Variants in CLNK observed in about 807,000 individuals in gnomAD.
CLNK encodes the protein cytokine dependent hematopoietic cell linker.
A neutral mutation model predicts 68.6 loss-of-function variants in CLNK; 74 were observed. The observed-to-expected ratio is 1.08, with a 90% confidence interval of 0.89 to 1.31. CLNK has a LOEUF of 1.31. Ranked by LOEUF, CLNK falls within the 50% of genes most tolerant of loss-of-function variation. The pLI is 0.00. For synonymous variants in CLNK, 198 were observed against 172.2 expected (o/e 1.15, Z -1.17); for missense variants, 553 against 515.3 (o/e 1.07, Z -0.71).
intron 18 of CLNK, among the ~76,000 whole-genome samples, chr4:10,493,932 T>A (rs1407699961): frequency 6.6e-6 from 1 of 152,234 alleles, no homozygotes; most frequent in Non-Finnish European, 1.5e-5. Context: ...AATTGATGCA[T>A]ATGCAGTACA....
At chr4:10,569,942 T>C (rs1030028158) in intron 5 of CLNK, among the ~76,000 whole-genome samples, 2 of 152,180 alleles carry the variant, frequency 1.3e-5, no homozygotes, top group Non-Finnish European at 2.9e-5. Flanking sequence ...CTAGGTGATG[T>C]GCTGAGCCAT....
intron 2 of CLNK, among the ~76,000 whole-genome samples, chr4:10,602,812 T>G (rs778732192): frequency 3.3e-5 from 5 of 152,162 alleles, no homozygotes; most frequent in Non-Finnish European, 5.9e-5. Context: ...AATGTACACA[T>G]GGTCTAGAAG....
chr4:10,498,409 G>A (rs1054602706), intron 18 of CLNK, among the ~76,000 whole-genome samples: 4 of 152,102 alleles, frequency 2.6e-5, no homozygotes, highest in Non-Finnish European at 4.4e-5. Flanking sequence ...GGAGGATGGC[G>A]TGAACCCTGC....
rs1716357188 is a variant in CLNK, at chr4:10,486,465, G to A, written c.*4002C>T. ...TAAATTATGAATGTAAATGTGCTTA[G>A]CTAGAACAAATATTGCTCAGAATAA... On this transcript the variant is annotated 3_prime_UTR_variant, in exon 19 of 19. Coordinates refer to ENST00000226951, the MANE Select transcript of CLNK (RefSeq NM_052964.4). 1 of 152,072 alleles carries A rather than the reference G, an allele frequency of 6.6e-6. No individual in the cohort carries two copies. Among genetic ancestry groups the A allele is most frequent in the South Asian group, 2.1e-4 (1 of 4,820 alleles). The allele number at this position is 152,072 out of a possible 1,614,324, so 9.4% of individuals were successfully genotyped here.
intron 2 of CLNK, among the ~76,000 whole-genome samples, chr4:10,634,089 C>A (rs1722990350): frequency 6.6e-6 from 1 of 152,156 alleles, no homozygotes; most frequent in Non-Finnish European, 1.5e-5. Context: ...CCTTTGTCAT[C>A]ATGTTGAAGT....
upstream of CLNK, among the ~76,000 whole-genome samples, chr4:10,686,669 C>A (rs987613259): frequency 6.7e-6 from 1 of 150,006 alleles, no homozygotes; most frequent in Non-Finnish European, 1.5e-5. Context: ...AGTCACATGG[C>A]CAAGTTCAGA....
At chr4:10,593,224 T>A (rs1315269493) in intron 3 of CLNK, among the ~76,000 whole-genome samples, 1 of 152,074 alleles carries the variant, frequency 6.6e-6, no homozygotes, top group Non-Finnish European at 1.5e-5. Flanking sequence ...CTTATGGCTC[T>A]CTCAGTGCTG....
intron 4 of CLNK, among the ~76,000 whole-genome samples, chr4:10,577,880 G>A (rs61795108): frequency 0.041 from 6,193 of 152,194 alleles, 188 homozygotes; most frequent in Middle Eastern, 0.095. Flanking sequence ...TTAGTGTTTG[G>A]CAGTAACATA....
At chr4:10,583,457 T>C (rs1720861047) in intron 4 of CLNK, among the ~76,000 whole-genome samples, 1 of 152,092 alleles carries the variant, frequency 6.6e-6, no homozygotes, top group African/African-American at 2.4e-5. Context: ...CAGATAATTT[T>C]AGTATTTTTA....
At chr4:10,613,646 G>T (rs1484285840) in intron 2 of CLNK, among the ~76,000 whole-genome samples, 13 of 152,150 alleles carry the variant, frequency 8.5e-5, no homozygotes, top group Admixed American at 8.5e-4. Context: ...GTATGTCATT[G>T]AGGGATAAAG....
At chr4:10,621,979 A>G (rs920762426) in intron 2 of CLNK, among the ~76,000 whole-genome samples, 4 of 152,078 alleles carry the variant, frequency 2.6e-5, no homozygotes, top group African/African-American at 9.7e-5. Context: ...TTGTCAAATC[A>G]CTCTTTCATC....
intron 2 of CLNK, among the ~76,000 whole-genome samples, chr4:10,601,859 G>A (rs1721601327): frequency 6.6e-6 from 1 of 152,184 alleles, no homozygotes; most frequent in African/African-American, 2.4e-5. Context: ...CTCTGGCCAA[G>A]TGTCCTCCAG....
At chr4:10,566,308 G>T (rs944618071) in intron 5 of CLNK, among the ~76,000 whole-genome samples, 158 bp from the exon 6 acceptor site, 1 of 152,290 alleles carries the variant, frequency 6.6e-6, no homozygotes, top group South Asian at 2.1e-4. Flanking sequence ...TTTAATTCTT[G>T]TGCTAGTGAG....
At chr4:10,632,542 C>A (rs1722932185) in intron 2 of CLNK, among the ~76,000 whole-genome samples, 1 of 152,220 alleles carries the variant, frequency 6.6e-6, no homozygotes, top group South Asian at 2.1e-4. Flanking sequence ...AGTTGAAATG[C>A]CACAAGGGCA....
At chr4:10,587,046 C>T (rs1173313986) in intron 3 of CLNK, among the ~76,000 whole-genome samples, 1 of 151,866 alleles carries the variant, frequency 6.6e-6, no homozygotes, top group Non-Finnish European at 1.5e-5. Flanking sequence ...CTCACTGCAA[C>T]CTCCGCCTCC....
intron 2 of CLNK, among the ~76,000 whole-genome samples, chr4:10,615,652 G>A (rs776003204): frequency 7.2e-5 from 11 of 152,238 alleles, no homozygotes; most frequent in Non-Finnish European, 1.3e-4. Context: ...AGATGAGGAT[G>A]CGAGCTCATA....
At chr4:10,686,733 T>C (rs1725285974), upstream of CLNK, among the ~76,000 whole-genome samples, 1 of 151,892 alleles carries the variant, frequency 6.6e-6, no homozygotes, top group African/African-American at 2.4e-5. Flanking sequence ...TGAATTATTG[T>C]GGTCTTCATT....
intron 11 of CLNK, among the ~76,000 whole-genome samples, chr4:10,535,139 A>G (rs1718692788): frequency 6.6e-6 from 1 of 151,942 alleles, no homozygotes; most frequent in African/African-American, 2.4e-5. Flanking sequence ...GCCTGAGGCC[A>G]GGAGTTTGAG....
chr4:10,549,826 C>T (rs1365905491), intron 8 of CLNK, among the ~76,000 whole-genome samples: 2 of 152,332 alleles, frequency 1.3e-5, no homozygotes, highest in South Asian at 2.1e-4. Flanking sequence ...CTTGGAGAAG[C>T]CAGGCATGCT....
Sources: gnomAD v4.1 joint callset for allele counts (sites outside exome capture counted in the v4.1 genomes callset) on GRCh38, gnomAD v4.1.1 for gene constraint, MANE v1.5 for transcripts, NCBI Gene and HGNC (gene_info 2026-07-23, HGNC 2026-07-21) for gene names.